The following UBXN11 variants were observed in gnomAD, a reference collection of about 807,000 sequenced individuals.
UBXN11 encodes UBX domain protein 11.
A neutral mutation model predicts 62.8 loss-of-function variants in UBXN11; 47 were observed. The observed-to-expected ratio is 0.75, with a 90% CI of 0.59 to 0.95. UBXN11 has a LOEUF of 0.95. Ranked by LOEUF, UBXN11 falls within the 40% of genes least tolerant of loss-of-function variation. UBXN11 has a pLI of 0.00. For synonymous variants in UBXN11, 294 were observed against 267.0 expected (o/e 1.10, Z -0.99); for missense variants, 638 against 661.7 (o/e 0.96, Z 0.39).
intron 1 of UBXN11, among the ~76,000 whole-genome samples, chr1:26,316,176 C>T (rs1232342345): frequency 1.5e-5 from 2 of 133,274 alleles, no homozygotes; most frequent in Non-Finnish European, 3.1e-5. Context: ...TCCTATGTTG[C>T]CCGGGTGGTC....
At position 26,285,989 on chromosome 1, in the gene UBXN11, C is replaced by CT. The variant is rs1423459534; in HGVS notation, c.607dup (p.Ser203LysfsTer6). ...CACCAGCTCACTAAGATCCTGCAGG[C>CT]TGGCCAGCAGCCTGTCAAAGTCCAC... is the stretch of plus-strand genomic sequence containing the variant. On this transcript the variant is annotated frameshift_variant, in exon 9 of 15. Transcript: ENST00000374222. LOFTEE classifies it high-confidence loss of function. 1 of 1,612,536 alleles carries CT rather than the reference C, an allele frequency of 6.2e-7. No homozygotes were observed.
chr1:26,301,549 C>T, intron 3 of UBXN11, 145 bp downstream of exon 3: 1 of 1,166,730 alleles, frequency 8.6e-7, no homozygotes, highest in Non-Finnish European at 1.2e-6. Flanking sequence ...TCAGGGAGGA[C>T]AGCATGGGAG....
Position 26,284,384 on chromosome 1 carries a change from C to T in UBXN11, c.951G>A (p.Leu317=). 1 of 1,614,104 alleles carries T rather than the reference C, an allele frequency of 6.2e-7. No homozygotes were observed. Among genetic ancestry groups the T allele is most frequent in the Middle Eastern group, 1.7e-4 (1 of 6,060 alleles). ...CACCTGGGTGCTCCTCCACCCTGTC[C>T]AAGGCCTTGTGCATCAGCTGCCTGC... ...VVGRQLMHKA[L]DRVEEHPGSR... Residue 317 remains leucine, a synonymous_variant, in exon 11 of 15, where the codon TTG becomes TTA. Transcript: ENST00000374222.
intron 1 of UBXN11, among the ~76,000 whole-genome samples, chr1:26,315,040 C>T (rs1336093656): frequency 6.6e-6 from 1 of 152,016 alleles, no homozygotes; most frequent in Non-Finnish European, 1.5e-5. Flanking sequence ...ATGATTGCAC[C>T]ACTTGTACTC....
chr1:26,307,752 T>C (rs540541409), upstream of UBXN11, among the ~76,000 whole-genome samples: 10 of 151,814 alleles, frequency 6.6e-5, no homozygotes, highest in East Asian at 1.7e-3. Context: ...CAGCCACCAG[T>C]GTAGCTGGGA....
chr1:26,284,497 G>A lies in UBXN11; in HGVS notation c.853-15C>T. 1.9e-6 allele frequency: 3 copies of A among 1,578,766 alleles called. No individual in the cohort carries two copies. The highest frequency in any genetic ancestry group is 2.6e-6 in the Non-Finnish European group (3 of 1,157,506). On this transcript the variant is annotated splice_polypyrimidine_tract_variant and intron_variant, in intron 10 of 14. Transcript: ENST00000374222. ...AAGTCACTCACCTGGCAAGAAAGAAGGGCAACGACGGCAGCGGACCCAGCT... is the reference window on the plus strand; with the variant it reads ...AAGTCACTCACCTGGCAAGAAAGAAAGGCAACGACGGCAGCGGACCCAGCT...
intron 8 of UBXN11, among the ~76,000 whole-genome samples, chr1:26,291,567 A>G (rs2073266564): frequency 6.6e-6 from 1 of 152,148 alleles, no homozygotes; most frequent in Admixed American, 6.5e-5. Flanking sequence ...GCCACCTGGC[A>G]AGGAGCAAGG....
At chr1:26,306,834 G>GGGGGGGGGGGGGGGTTT (rs2073681653), upstream of UBXN11, 1 of 40,110 alleles carries the variant, frequency 2.5e-5, no homozygotes, top group Non-Finnish European at 8.6e-5. Context: ...CGGGGTGGGG[G>GGGGGGGGGGGGGGGTTT]GGGGGGGTGG....
intron 8 of UBXN11, among the ~76,000 whole-genome samples, chr1:26,286,519 A>G (rs1184864217): frequency 2.0e-5 from 3 of 152,230 alleles, no homozygotes; most frequent in African/African-American, 2.4e-5. Flanking sequence ...CTTGTGCTGC[A>G]GCATTCTCTT....
upstream of UBXN11, among the ~76,000 whole-genome samples, chr1:26,307,315 C>T (rs553249548): frequency 6.6e-6 from 1 of 152,298 alleles, no homozygotes; most frequent in Admixed American, 6.5e-5. Flanking sequence ...ACTGTGTGTT[C>T]TTGGGCACTT....
At chr1:26,287,217 G>T (rs1455884444) in intron 8 of UBXN11, among the ~76,000 whole-genome samples, 4 of 152,188 alleles carry the variant, frequency 2.6e-5, no homozygotes, top group African/African-American at 4.8e-5. Flanking sequence ...CTGCTGGCCA[G>T]AACAGATATG....
At position 26,302,824 on chromosome 1, in the gene UBXN11, A is replaced by G. The variant is rs1314079033; in HGVS notation, c.60T>C (p.Pro20=). 2 of 1,613,674 alleles carry G rather than the reference A, an allele frequency of 1.2e-6. No individual in the cohort carries two copies. The highest frequency in any genetic ancestry group is 2.2e-5 in the South Asian group (2 of 91,054). ...GGCTGGCTCCTTACCCAGGATTCAT[A>G]GGCTCCGAGGGCAGGGGCACTTTTC... ...KTRKVPLPSE[P]MNPGRRGIRI... is the part of the protein sequence containing the mutation. Residue 20 remains proline, a synonymous_variant, in exon 2 of 15, where the codon CCT becomes CCC. Coordinates refer to ENST00000374222, the MANE Select transcript of UBXN11 (RefSeq NM_001389556.1).
intron 4 of UBXN11, 126 bp downstream of exon 4, chr1:26,300,800 A>G (rs1322407078): frequency 2.7e-6 from 4 of 1,485,312 alleles, no homozygotes; most frequent in Non-Finnish European, 3.6e-6. Context: ...ACAATCAGCC[A>G]GGAGTGGAAG....
chr1:26,289,886 T>C (rs1043265849), intron 8 of UBXN11, among the ~76,000 whole-genome samples: 1 of 152,168 alleles, frequency 6.6e-6, no homozygotes, highest in Non-Finnish European at 1.5e-5. Context: ...GAACCACTAT[T>C]ACCACACACC....
intron 1 of UBXN11, among the ~76,000 whole-genome samples, chr1:26,317,066 TA>T (rs5773158): frequency 0.85 from 116,120 of 135,850 alleles, 50,111 homozygotes; most frequent in Non-Finnish European, 0.92. Context: ...CAGTCTCCGC[TA>T]AAAAAAAAAA....
intron 10 of UBXN11, chr1:26,284,877 G>A (rs1253826359): frequency 1.4e-5 from 14 of 1,011,420 alleles, no homozygotes; most frequent in African/African-American, 6.9e-5. Flanking sequence ...CGAGGTCCCC[G>A]CTGTGGCACG....
rs2073023436 is a variant in UBXN11 at position 26,282,559 on chromosome 1, C to T, written c.1303G>A (p.Ala435Thr). 1.3e-6 allele frequency: 2 copies of T among 1,598,690 alleles called. No homozygotes were observed. Among genetic ancestry groups the T allele is most frequent in the South Asian group, 2.2e-5 (2 of 90,096 alleles). Residue 435 changes from alanine to threonine, a missense_variant, in exon 15 of 15, where the codon GCC (alanine) becomes ACC (threonine). By Grantham distance (58) the Ala-to-Thr change is moderately conservative (BLOSUM62 0). Coordinates refer to ENST00000374222, the MANE Select transcript of UBXN11 (RefSeq NM_001389556.1). ...GTGCTGAAGATCTCAAAGGCAGAGG[C>T]ATCCATGACCCTGGGGACCAGGCAG... ...ALLAQARVMDASAFEIFSTFP... is the reference protein window; with the variant it reads ...ALLAQARVMDTSAFEIFSTFP...
At chr1:26,294,794 ACTT>A (rs1338478999) in intron 7 of UBXN11, among the ~76,000 whole-genome samples, 2 of 151,916 alleles carry the variant, frequency 1.3e-5, no homozygotes, top group Non-Finnish European at 2.9e-5. Context: ...CCACACCCCG[ACTT>A]CTTTTCTCAA....
At chr1:26,308,419 A>C (rs546523440), upstream of UBXN11, among the ~76,000 whole-genome samples, 5 of 152,302 alleles carry the variant, frequency 3.3e-5, no homozygotes, top group African/African-American at 1.2e-4. Context: ...CGCTCTTCCT[A>C]GAAACTTTCA....
Sources: gnomAD v4.1 joint callset for allele counts (sites outside exome capture counted in the v4.1 genomes callset) on GRCh38, gnomAD v4.1.1 for gene constraint, MANE v1.5 for transcripts, NCBI Gene and HGNC (gene_info 2026-07-23, HGNC 2026-07-21) for gene names.